The following SLC25A26 variants were observed in gnomAD, a reference collection of about 807,000 sequenced individuals.
SLC25A26 encodes mitochondrial S-adenosylmethionine carrier protein.
Under a neutral mutation model 37.8 loss-of-function variants are expected in SLC25A26, and 36 were observed. That is an observed-to-expected ratio of 0.95 (90% CI 0.73 to 1.26). SLC25A26 has a LOEUF of 1.26. Ranked by LOEUF, SLC25A26 falls within the 50% of genes most tolerant of loss-of-function variation. The pLI is 0.00. For synonymous variants in SLC25A26, 129 were observed against 122.5 expected (o/e 1.05, Z -0.35); for missense variants, 390 against 331.1 (o/e 1.18, Z -1.38).
intron 1 of SLC25A26, among the ~76,000 whole-genome samples, chr3:66,188,891 C>T (rs909833748): frequency 6.6e-6 from 1 of 152,012 alleles, no homozygotes; most frequent in Non-Finnish European, 1.5e-5. Context: ...TTGACCTTTA[C>T]ACCACCCTTA....
chr3:66,334,664 C>A (rs747759416), intron 5 of SLC25A26, among the ~76,000 whole-genome samples: 5 of 152,130 alleles, frequency 3.3e-5, no homozygotes, highest in Non-Finnish European at 7.4e-5. Context: ...ATCCCTCTTG[C>A]TTCTGCCTTT....
chr3:66,305,467 T>A (rs2075191013), intron 5 of SLC25A26, among the ~76,000 whole-genome samples: 1 of 152,222 alleles, frequency 6.6e-6, no homozygotes, highest in Non-Finnish European at 1.5e-5. Context: ...TCATTTTAAT[T>A]TTTAAGCTCC....
At chr3:66,173,200 G>A (rs1040333594) in intron 1 of SLC25A26, among the ~76,000 whole-genome samples, 6 of 152,194 alleles carry the variant, frequency 3.9e-5, no homozygotes, top group Non-Finnish European at 7.4e-5. Flanking sequence ...TGGTTGTCCT[G>A]ACTTGGATCA....
At chr3:66,181,780 C>CTTTTTTTTTTTTTTTTTTTTTTTTTTTTT (rs922019884) in intron 1 of SLC25A26, among the ~76,000 whole-genome samples, 1 of 97,064 alleles carries the variant, frequency 1.0e-5, no homozygotes, top group African/African-American at 4.1e-5. Flanking sequence ...CTCCCCTTGT[C>CTTTTTTTTTTTTTTTTTTTTTTTTTTTTT]TTTTTTTTTT....
intron 1 of SLC25A26, among the ~76,000 whole-genome samples, chr3:66,192,171 C>T (rs2070955484): frequency 6.6e-6 from 1 of 151,834 alleles, no homozygotes. Flanking sequence ...CAAAAATTAG[C>T]TGGGTGTGGT....
chr3:66,184,074 C>T (rs1026051002), intron 1 of SLC25A26, among the ~76,000 whole-genome samples: 5 of 151,950 alleles, frequency 3.3e-5, no homozygotes, highest in African/African-American at 1.2e-4. Flanking sequence ...TAAACTTTAA[C>T]CTTCAGAAGA....
At chr3:66,190,836 A>G (rs1206738827) in intron 1 of SLC25A26, among the ~76,000 whole-genome samples, 2 of 152,244 alleles carry the variant, frequency 1.3e-5, no homozygotes, top group African/African-American at 4.8e-5. Context: ...ATTACTGTTG[A>G]GGACAGTGTG....
intron 1 of SLC25A26, among the ~76,000 whole-genome samples, chr3:66,154,340 T>C (rs1467292740): frequency 6.6e-6 from 1 of 152,096 alleles, no homozygotes. Context: ...ATCCTAAAAA[T>C]AGCACAGCCC....
At chr3:66,323,044 C>G (rs571985770) in intron 5 of SLC25A26, among the ~76,000 whole-genome samples, 2 of 147,152 alleles carry the variant, frequency 1.4e-5, no homozygotes, top group African/African-American at 4.9e-5. Context: ...GAAAATGAGT[C>G]TTTTTGAAGT....
intron 5 of SLC25A26, among the ~76,000 whole-genome samples, chr3:66,279,111 C>T (rs957082436): frequency 6.6e-6 from 1 of 152,052 alleles, no homozygotes; most frequent in Non-Finnish European, 1.5e-5. Flanking sequence ...GGGGCATGAG[C>T]TTGTCTTTTT....
intron 5 of SLC25A26, among the ~76,000 whole-genome samples, 191 bp downstream of exon 5, chr3:66,263,570 C>T (rs2073619464): frequency 6.6e-6 from 1 of 152,104 alleles, no homozygotes; most frequent in Non-Finnish European, 1.5e-5. Context: ...AATGGGTTTG[C>T]CGGAAGAGCA....
chr3:66,375,623 C>T (rs911979224), intron 9 of SLC25A26, among the ~76,000 whole-genome samples: 3 of 152,142 alleles, frequency 2.0e-5, no homozygotes, highest in African/African-American at 2.4e-5. Context: ...AAAGCCTGAG[C>T]GACAGCACAT....
intron 3 of SLC25A26, among the ~76,000 whole-genome samples, chr3:66,258,757 G>T (rs984886979): frequency 3.3e-5 from 5 of 151,934 alleles, no homozygotes; most frequent in Non-Finnish European, 5.9e-5. Flanking sequence ...GGCCAAGGTG[G>T]GAGAATTGCC....
chr3:66,208,882 A>ATG (rs1661613081), intron 1 of SLC25A26, among the ~76,000 whole-genome samples: 2 of 73,558 alleles, frequency 2.7e-5, no homozygotes, highest in Non-Finnish European at 7.5e-5. Context: ...ATATATATAT[A>ATG]TATACACCTT....
intron 1 of SLC25A26, among the ~76,000 whole-genome samples, chr3:66,191,205 G>A (rs937014254): frequency 7.7e-4 from 117 of 152,292 alleles, no homozygotes; most frequent in African/African-American, 2.7e-3. Context: ...CACTGGCCTG[G>A]GCAATGTGGC....
chr3:66,159,318 G>C (rs2070325176), intron 1 of SLC25A26, among the ~76,000 whole-genome samples: 2 of 152,198 alleles, frequency 1.3e-5, no homozygotes, highest in South Asian at 2.1e-4. Context: ...CCCTAATGAA[G>C]AAAGGGGTGA....
intron 9 of SLC25A26, among the ~76,000 whole-genome samples, chr3:66,377,292 G>A (rs1205574962): frequency 6.6e-6 from 1 of 152,082 alleles, no homozygotes; most frequent in Non-Finnish European, 1.5e-5. Context: ...GGTTCAACTC[G>A]TTGTCGTGAC....
intron 1 of SLC25A26, among the ~76,000 whole-genome samples, chr3:66,184,824 C>A (rs969980409): frequency 5.3e-5 from 8 of 152,030 alleles, no homozygotes; most frequent in Non-Finnish European, 1.0e-4. Flanking sequence ...TCAACCTGTC[C>A]CTGGTCGTGA....
intron 1 of SLC25A26, among the ~76,000 whole-genome samples, chr3:66,158,144 A>G (rs779369026): frequency 5.9e-5 from 9 of 152,222 alleles, no homozygotes; most frequent in Non-Finnish European, 1.2e-4. Flanking sequence ...TTCAGGCATC[A>G]GAAAGTAGGT....
Sources: gnomAD v4.1 joint callset for allele counts (sites outside exome capture counted in the v4.1 genomes callset) on GRCh38, gnomAD v4.1.1 for gene constraint, MANE v1.5 for transcripts, NCBI Gene and HGNC (gene_info 2026-07-23, HGNC 2026-07-21) for gene names.